The following SLC26A7 variants were observed in gnomAD, a reference collection of about 807,000 sequenced individuals.
SLC26A7 encodes the protein solute carrier family 26 member 7, also known as anion exchange transporter.
SLC26A7 carries 59 observed loss-of-function variants against 82.5 expected under a neutral mutation model. That is an observed-to-expected ratio of 0.72 (90% CI 0.58 to 0.89). The LOEUF (loss-of-function observed/expected upper bound fraction) is 0.89, where lower values mean the gene tolerates loss of function less well. SLC26A7 is among the 40% of genes least tolerant of loss of function. The pLI, the probability that SLC26A7 is intolerant of heterozygous loss-of-function variation, is 0.00. For missense variants in SLC26A7, 820 were observed against 793.0 expected (o/e 1.03, Z -0.41); for synonymous variants, 271 against 274.3 (o/e 0.99, Z 0.12).
At chr8:91,381,224 AC>A (rs1207339807) in intron 15 of SLC26A7, among the ~76,000 whole-genome samples, 2 of 152,174 alleles carry the variant, frequency 1.3e-5, no homozygotes, top group African/African-American at 4.8e-5. Flanking sequence ...TAAGCAAAAC[AC>A]CCATTAGCAG....
At chr8:91,393,687 C>T (rs1397153504) in intron 16 of SLC26A7, 110 bp from the exon 17 acceptor site, 2 of 1,197,002 alleles carry the variant, frequency 1.7e-6, no homozygotes, top group Non-Finnish European at 2.4e-6. Context: ...GGTGGTTTGA[C>T]TTCGTAAACA....
chr8:91,300,710 C>A (rs1812144257), intron 4 of SLC26A7, among the ~76,000 whole-genome samples: 1 of 152,182 alleles, frequency 6.6e-6, no homozygotes, highest in Non-Finnish European at 1.5e-5. Context: ...GATGTTTTTA[C>A]TTCTTTACAA....
intron 1 of SLC26A7, among the ~76,000 whole-genome samples, chr8:91,211,991 T>G (rs1809935839): frequency 2.0e-5 from 3 of 152,142 alleles, no homozygotes; most frequent in Non-Finnish European, 4.4e-5. Context: ...CAAAACAATT[T>G]TATTCAGTCT....
rs1813373725 is a variant in SLC26A7 at position 91,340,462 on chromosome 8, T to G, written c.937T>G (p.Phe313Val). Residue 313 changes from phenylalanine to valine, a missense_variant, in exon 8 of 19, where the codon TTC (phenylalanine) becomes GTC (valine). Transcript: ENST00000276609. ...CCTCTCTGCGGTGATCACTGAAGCT[T>G]TCGGAGTGGCACTTGTAGGCTATGT... is the stretch of plus-strand genomic sequence containing the variant. ...NILSAVITEAFGVALVGYVAS... is the reference protein window; with the variant it reads ...NILSAVITEAVGVALVGYVAS... 2 of 1,613,706 alleles carry G rather than the reference T, an allele frequency of 1.2e-6. No homozygotes were observed. Among genetic ancestry groups the G allele is most frequent in the Admixed American group, 1.7e-5 (1 of 59,956 alleles).
chr8:91,260,339 G>A (rs897521694), intron 2 of SLC26A7, among the ~76,000 whole-genome samples: 14 of 152,082 alleles, frequency 9.2e-5, no homozygotes, highest in Non-Finnish European at 1.8e-4. Context: ...AACCACCACC[G>A]TGATCTAATC....
upstream of SLC26A7, among the ~76,000 whole-genome samples, chr8:91,246,772 G>A (rs1044571630): frequency 1.3e-5 from 2 of 151,756 alleles, no homozygotes; most frequent in African/African-American, 4.8e-5. Context: ...CTACAACAGA[G>A]AGTCTCAGCA....
intron 3 of SLC26A7, among the ~76,000 whole-genome samples, chr8:91,289,530 A>G (rs565820049): frequency 3.3e-5 from 5 of 152,318 alleles, no homozygotes; most frequent in African/African-American, 1.2e-4. Context: ...CTGTAGTCCC[A>G]GCTACTCGGG....
At chr8:91,251,601 A>G (rs1013326993) in intron 2 of SLC26A7, among the ~76,000 whole-genome samples, 2 of 152,100 alleles carry the variant, frequency 1.3e-5, no homozygotes, top group Non-Finnish European at 2.9e-5. Context: ...CATTTGTTGT[A>G]AGAGGCAATG....
intron 3 of SLC26A7, among the ~76,000 whole-genome samples, chr8:91,293,655 T>C (rs962333550): frequency 1.3e-5 from 2 of 152,190 alleles, no homozygotes; most frequent in African/African-American, 4.8e-5. Flanking sequence ...CTTTCTCTTT[T>C]ACTGTTCGAT....
intron 1 of SLC26A7, among the ~76,000 whole-genome samples, chr8:91,217,624 G>A (rs1296685203): frequency 6.6e-6 from 1 of 152,082 alleles, no homozygotes; most frequent in Non-Finnish European, 1.5e-5. Flanking sequence ...ATTGAGCCAG[G>A]GAGTGAGAAA....
intron 15 of SLC26A7, among the ~76,000 whole-genome samples, chr8:91,373,603 A>T (rs1425913150): frequency 6.6e-6 from 1 of 151,788 alleles, no homozygotes; most frequent in Non-Finnish European, 1.5e-5. Context: ...TTTGTTTTTG[A>T]TGTGCTGCTG....
At chr8:91,346,353 G>A (rs573595951) in intron 9 of SLC26A7, among the ~76,000 whole-genome samples, 2 of 152,218 alleles carry the variant, frequency 1.3e-5, no homozygotes, top group East Asian at 3.9e-4. Context: ...ACATGGTTCC[G>A]AGGAAGCACT....
chr8:91,359,704 G>A (rs1813993056), intron 11 of SLC26A7, among the ~76,000 whole-genome samples: 1 of 152,092 alleles, frequency 6.6e-6, no homozygotes, highest in Non-Finnish European at 1.5e-5. Flanking sequence ...GGATTATTGG[G>A]TTATTGGGCA....
chr8:91,251,043 A>G (rs974338210), intron 2 of SLC26A7, among the ~76,000 whole-genome samples: 9 of 80,942 alleles, frequency 1.1e-4, no homozygotes, highest in East Asian at 5.9e-4. Context: ...AACTTAAGTG[A>G]TGAATTTTTT....
intron 4 of SLC26A7, among the ~76,000 whole-genome samples, chr8:91,310,007 C>G (rs1373997504): frequency 2.6e-5 from 4 of 152,122 alleles, no homozygotes; most frequent in Non-Finnish European, 5.9e-5. Context: ...CCCACTTGCT[C>G]AACTCTTAAG....
At chr8:91,243,038 C>T (rs555876529) in intron 2 of SLC26A7, among the ~76,000 whole-genome samples, 30 of 152,124 alleles carry the variant, frequency 2.0e-4, no homozygotes, top group East Asian at 5.8e-4. Context: ...ACTTAAACAG[C>T]GGTGGATTTG....
At chr8:91,336,535 C>G (rs1302690120) in intron 6 of SLC26A7, among the ~76,000 whole-genome samples, 1 of 151,834 alleles carries the variant, frequency 6.6e-6, no homozygotes, top group East Asian at 1.9e-4. Flanking sequence ...CAACCCTGTT[C>G]GTGAAAAAAT....
At chr8:91,365,971 A>G (rs1259796737) in intron 13 of SLC26A7, among the ~76,000 whole-genome samples, 6 of 152,186 alleles carry the variant, frequency 3.9e-5, no homozygotes, top group African/African-American at 9.7e-5. Context: ...GCCAAAGCGG[A>G]CATGTTTTGT....
chr8:91,312,014 T>C (rs1019311982), intron 4 of SLC26A7, among the ~76,000 whole-genome samples: 1 of 152,206 alleles, frequency 6.6e-6, no homozygotes, highest in Non-Finnish European at 1.5e-5. Context: ...GCTTATTGTA[T>C]TGAGGTCCCA....
Sources: gnomAD v4.1 joint callset for allele counts (sites outside exome capture counted in the v4.1 genomes callset) on GRCh38, gnomAD v4.1.1 for gene constraint, MANE v1.5 for transcripts, NCBI Gene and HGNC (gene_info 2026-07-23, HGNC 2026-07-21) for gene names.